The following KCNH8 variants were observed in gnomAD, a reference collection of about 807,000 sequenced individuals.
KCNH8 encodes voltage-gated delayed rectifier potassium channel KCNH8.
KCNH8 carries 70 observed loss-of-function variants against 103.6 expected under a neutral mutation model. The ratio of observed to expected loss-of-function variants is 0.68; its 90% CI spans 0.56 to 0.82. The LOEUF (loss-of-function observed/expected upper bound fraction) is 0.82, where lower values mean the gene tolerates loss of function less well. Among genes scored for constraint, KCNH8 ranks in the 40% least tolerant of loss-of-function variants. KCNH8 has a pLI of 0.00. For missense variants in KCNH8, 1,217 were observed against 1,329.9 expected (o/e 0.92, Z 1.32); for synonymous variants, 498 against 489.4 (o/e 1.02, Z -0.23).
At chr3:19,188,959 T>G (rs67013638) in intron 1 of KCNH8, among the ~76,000 whole-genome samples, 52,465 of 151,704 alleles carry the variant, frequency 0.35, 11,644 homozygotes, top group Non-Finnish European at 0.5. Flanking sequence ...TTGTTTGTTT[T>G]TTTTTTAACA....
At chr3:19,288,190 T>C (rs1254721937) in intron 3 of KCNH8, among the ~76,000 whole-genome samples, 2 of 138,334 alleles carry the variant, frequency 1.4e-5, no homozygotes, top group African/African-American at 3.0e-5. Context: ...TCTTTTTTTT[T>C]TTTTTTTTTT....
chr3:19,310,891 A>G (rs2065199117), intron 3 of KCNH8, among the ~76,000 whole-genome samples: 1 of 151,888 alleles, frequency 6.6e-6, no homozygotes. Context: ...AGAATTATCC[A>G]TGCACAGTAT....
At position 19,533,521 on chromosome 3, in the gene KCNH8, T is replaced by A. The variant is rs759511382; in HGVS notation, c.2746T>A (p.Cys916Ser). 10 of 1,614,214 alleles carry A rather than the reference T, an allele frequency of 6.2e-6. No homozygotes were observed. Among genetic ancestry groups the A allele is most frequent in the Non-Finnish European group, 8.5e-6 (10 of 1,180,036 alleles). ...RFCSLHSTSVCPSRESLQTRT... is the reference protein window; with the variant it reads ...RFCSLHSTSVSPSRESLQTRT... ...TTGCTCTTTGCACAGCACCTCTGTG[T>A]GTCCCTCCAGGGAGAGCTTACAGAC... The change falls in exon 16 of 16, where the codon TGT becomes AGT. Residue 916 changes from cysteine (C) to serine (S), a missense_variant. Cys to Ser is a moderately radical substitution (Grantham distance 112). Around this residue, in one of 3 missense-constraint regions of KCNH8, gnomAD observed 558 missense variants for 495.8 expected, o/e 1.13. Transcript: ENST00000328405.
chr3:19,234,662 C>T (rs528062144), intron 1 of KCNH8, among the ~76,000 whole-genome samples: 2 of 124,876 alleles, frequency 1.6e-5, no homozygotes, highest in South Asian at 2.9e-4. Context: ...AGCCGGCTCC[C>T]GGCCTTGGGC....
Position 19,390,570 on chromosome 3 carries a change from ACCTGGT to A in KCNH8, c.902_907del (p.Thr301_Phe303delinsIle), listed in dbSNP as rs781114881. On this transcript the variant is annotated inframe_deletion, in exon 6 of 16. Transcript: ENST00000328405. ...ATCAATTTGCATCCACTATGTCACA[ACCTGGT>A]TCATCATTGATTTAATCGCTGCCCT... 2 of 1,613,434 alleles carry A rather than the reference ACCTGGT, an allele frequency of 1.2e-6. No homozygotes were observed. Among genetic ancestry groups the A allele is most frequent in the Non-Finnish European group, 8.5e-7 (1 of 1,179,612 alleles).
intron 7 of KCNH8, among the ~76,000 whole-genome samples, chr3:19,433,170 T>G (rs543488413): frequency 1.3e-5 from 2 of 152,328 alleles, no homozygotes; most frequent in African/African-American, 4.8e-5. Flanking sequence ...TGTAGACTAT[T>G]ATGAACTGGC....
intron 2 of KCNH8, among the ~76,000 whole-genome samples, chr3:19,275,729 C>T (rs1429938797): frequency 1.3e-5 from 2 of 152,150 alleles, no homozygotes; most frequent in Non-Finnish European, 2.9e-5. Flanking sequence ...GAACATTCCC[C>T]TCCTTTTTAA....
intron 5 of KCNH8, among the ~76,000 whole-genome samples, chr3:19,377,132 A>C (rs979935207): frequency 1.3e-5 from 2 of 152,240 alleles, no homozygotes; most frequent in African/African-American, 2.4e-5. Context: ...TGGAAGAAAT[A>C]GCAGGGAGGT....
In KCNH8 at chr3:19,534,326, G is replaced by T; in HGVS notation, c.*227G>T. The T allele has an allele frequency of 1.9e-6, 1 of 540,422 alleles. No individual in the cohort carries two copies. The highest frequency in any genetic ancestry group is 2.7e-5 in the South Asian group (1 of 36,644). The allele number at this position is 540,422 out of a possible 1,614,324, so 33.5% of individuals were successfully genotyped here. A position where few individuals can be genotyped will look rare whatever the true frequency, so the allele number is the denominator to read the frequency against. ...TTTTCTGTACAGGTATTAAACTACT[G>T]GTCTGTTTGACAGACTTTGGTAACA... On this transcript the variant is annotated 3_prime_UTR_variant, in exon 16 of 16. Coordinates refer to ENST00000328405, the MANE Select transcript of KCNH8 (RefSeq NM_144633.3).
intron 5 of KCNH8, among the ~76,000 whole-genome samples, chr3:19,351,013 G>T (rs1330785822): frequency 6.6e-6 from 1 of 151,994 alleles, no homozygotes; most frequent in Admixed American, 6.6e-5. Context: ...TGGCTAACTA[G>T]AATAAACAGC....
rs1268067986 is a variant in KCNH8 at position 19,148,614 on chromosome 3, C to G, written c.-106C>G. The stretch of plus-strand genomic sequence containing the variant: ...TCGGCCCCGCCGTCAGGCCGGGTCC[C>G]CCTTCCCTGCCGTCATCAGGTTCCC... On this transcript the variant is annotated 5_prime_UTR_variant, in exon 1 of 16. Coordinates refer to ENST00000328405, the MANE Select transcript of KCNH8 (RefSeq NM_144633.3). 6 of 1,098,360 alleles carry G rather than the reference C, an allele frequency of 5.5e-6. No individual in the cohort carries two copies. The highest frequency in any genetic ancestry group is 7.0e-6 in the Non-Finnish European group (5 of 711,340). The allele number at this position is 1,098,360 out of a possible 1,614,324, so 68.0% of individuals were successfully genotyped here. A position where few individuals can be genotyped will look rare whatever the true frequency, so the allele number is the denominator to read the frequency against.
Position 19,513,008 on chromosome 3 carries a change from C to T in KCNH8, c.2118C>T (p.Leu706=), listed in dbSNP as rs1191102625. Residue 706 remains leucine, a synonymous_variant, in exon 13 of 16, where the codon CTC becomes CTT. Coordinates refer to ENST00000328405, the MANE Select transcript of KCNH8 (RefSeq NM_144633.3). Reference sequence around the variant, plus strand: ...GAAATGGCAACATCAACAAGCGACTCCCATCCATTGTGGAAGATGAGGAAG... The same window carrying T: ...GAAATGGCAACATCAACAAGCGACTTCCATCCATTGTGGAAGATGAGGAAG... ...PKGNGNINKR[L]PSIVEDEEEE... 2 of 1,613,528 alleles carry T rather than the reference C, an allele frequency of 1.2e-6. No individual in the cohort carries two copies. The highest frequency in any genetic ancestry group is 1.7e-4 in the Middle Eastern group (1 of 6,052).
chr3:19,232,287 C>T (rs886477837), intron 1 of KCNH8, among the ~76,000 whole-genome samples: 3 of 152,156 alleles, frequency 2.0e-5, no homozygotes, highest in African/African-American at 4.8e-5. Context: ...TAATCTGACT[C>T]TTGGTTTTAT....
chr3:19,513,079 T>C lies in KCNH8; in HGVS notation c.2189T>C (p.Ile730Thr), dbSNP rs988171687. The C allele has an allele frequency of 6.2e-7, 1 of 1,613,786 alleles. No individual in the cohort carries two copies. Among genetic ancestry groups the C allele is most frequent in the Admixed American group, 1.7e-5 (1 of 59,892 alleles). ...GAGGAGGCAGTCTCCCTCTCTCCCA[T>C]CTGCACAAGGGGATCTTCTTCGCGC... ...EEEEAVSLSP[I>T]CTRGSSSRNK... The change falls in exon 13 of 16, where the codon ATC becomes ACC. Residue 730 changes from isoleucine to threonine, a missense_variant. This residue lies in a region of KCNH8 where 558 missense variants were observed against 495.8 expected (regional missense o/e 1.13). Coordinates refer to ENST00000328405, the MANE Select transcript of KCNH8 (RefSeq NM_144633.3).
intron 1 of KCNH8, among the ~76,000 whole-genome samples, chr3:19,245,997 G>T (rs1396109144): frequency 2.4e-4 from 36 of 152,030 alleles, no homozygotes; most frequent in Non-Finnish European, 8.8e-5. Context: ...AACCTGACAA[G>T]AATTAGTACA....
At chr3:19,285,698 T>C (rs1419735355) in intron 3 of KCNH8, among the ~76,000 whole-genome samples, 1 of 146,228 alleles carries the variant, frequency 6.8e-6, no homozygotes, top group Admixed American at 6.8e-5. Flanking sequence ...AAAGTTGACA[T>C]AGTAAAAAAA....
intron 1 of KCNH8, among the ~76,000 whole-genome samples, chr3:19,235,254 G>C (rs904752393): frequency 2.6e-5 from 4 of 152,132 alleles, no homozygotes; most frequent in African/African-American, 9.7e-5. Flanking sequence ...CAAAAACAAA[G>C]TTCATCGGGA....
chr3:19,425,877 G>T (rs1416371622), intron 7 of KCNH8, among the ~76,000 whole-genome samples: 4 of 152,154 alleles, frequency 2.6e-5, no homozygotes, highest in Non-Finnish European at 4.4e-5. Flanking sequence ...AGAGGGAAGA[G>T]GTTGGAGCTG....
intron 3 of KCNH8, among the ~76,000 whole-genome samples, chr3:19,304,389 TAAAC>T (rs978133484): frequency 2.9e-4 from 43 of 150,248 alleles, no homozygotes; most frequent in Non-Finnish European, 4.3e-4. Flanking sequence ...AAAATCAAAA[TAAAC>T]AAAGAGAAAA....
Sources: gnomAD v4.1 joint callset for allele counts (sites outside exome capture counted in the v4.1 genomes callset) on GRCh38, gnomAD v4.1.1 for gene constraint, gnomAD v4.1.1 regional missense constraint, MANE v1.5 for transcripts, NCBI Gene and HGNC (gene_info 2026-07-23, HGNC 2026-07-21) for gene names.